Variants in PCDHGB3 observed in about 807,000 individuals in gnomAD.
PCDHGB3 encodes the protein protocadherin gamma-B3.
PCDHGB3 carries 40 observed loss-of-function variants against 59.2 expected under a neutral mutation model. That is an observed-to-expected ratio of 0.68 (90% CI 0.52 to 0.88). The LOEUF is 0.88. Among genes scored for constraint, PCDHGB3 ranks in the 40% least tolerant of loss-of-function variants. The pLI is 0.00. For missense variants in PCDHGB3, 1,309 were observed against 1,187.9 expected, an observed-to-expected ratio of 1.10 and a Z score of -1.50; for synonymous variants, 581 against 503.6, an observed-to-expected ratio of 1.15 and a Z score of -2.06.
intron 1 of PCDHGB3, chr5:141,468,401 C>G (rs943048252): frequency 6.7e-6 from 1 of 149,126 alleles, no homozygotes; most frequent in Non-Finnish European, 1.5e-5. Flanking sequence ...TTGGTGAGAA[C>G]TAATAATAAG....
intron 1 of PCDHGB3, among the ~76,000 whole-genome samples, chr5:141,452,267 G>C (rs995249228): frequency 1.3e-5 from 2 of 151,882 alleles, no homozygotes; most frequent in Non-Finnish European, 2.9e-5. Context: ...TCATTTTCTT[G>C]AACCCTTTCT....
intron 1 of PCDHGB3, chr5:141,422,699 C>T: frequency 6.2e-7 from 1 of 1,603,420 alleles, no homozygotes; most frequent in Middle Eastern, 1.7e-4. Flanking sequence ...GTCACTTACT[C>T]TCTGACGGAT....
chr5:141,416,817 C>T (rs1197915095), intron 1 of PCDHGB3: 1 of 151,958 alleles, frequency 6.6e-6, no homozygotes, highest in Non-Finnish European at 1.5e-5. Flanking sequence ...AAAAAGCATT[C>T]CGAAGTTTCT....
rs761627230 is a variant in PCDHGB3 at position 141,371,418 on chromosome 5, G to C, written c.1024G>C (p.Asp342His). Reference protein sequence around the residue: ...KVQIDISDENDNAPEITLASE... With the variant: ...KVQIDISDENHNAPEITLASE... ...ACAGATAGATATTTCAGATGAAAAT[G>C]ACAATGCCCCGGAGATAACCCTGGC... Residue 342 changes from aspartate to histidine, a missense_variant, in exon 1 of 4, where the codon GAC (aspartate) becomes CAC (histidine). Coordinates refer to ENST00000576222, the MANE Select transcript of PCDHGB3 (RefSeq NM_018924.5). The C allele has an allele frequency of 5.6e-6, 9 of 1,614,006 alleles. No individual in the cohort carries two copies. Among genetic ancestry groups the C allele is most frequent in the Middle Eastern group, 1.6e-4 (1 of 6,062 alleles).
rs776293224 is a variant in PCDHGB3, at chr5:141,477,889, A to G, written c.2416-16918A>G. Reference sequence around the variant, plus strand: ...GTACCTCAGCTGGCCACCTAGTGTCACGGGTGGTAGGCTGGGACGCGGATG... The same window carrying G: ...GTACCTCAGCTGGCCACCTAGTGTCGCGGGTGGTAGGCTGGGACGCGGATG... On this transcript the variant is annotated intron_variant, in intron 1 of 3. Coordinates refer to ENST00000576222, the MANE Select transcript of PCDHGB3 (RefSeq NM_018924.5). This position sits in a 1 kb window ranked among gnomAD's most constrained non-coding sequence, Gnocchi z 4.9. The G allele has an allele frequency of 1.8e-5, 29 of 1,614,034 alleles. No individual in the cohort carries two copies. Among genetic ancestry groups the G allele is most frequent in the Non-Finnish European group, 2.5e-5 (29 of 1,180,026 alleles).
chr5:141,370,836 A>G lies in PCDHGB3; in HGVS notation c.442A>G (p.Thr148Ala). The G allele has an allele frequency of 6.2e-7, 1 of 1,614,018 alleles. No individual in the cohort carries two copies. Among genetic ancestry groups the G allele is most frequent in the Non-Finnish European group, 8.5e-7 (1 of 1,179,860 alleles). Residue 148 changes from threonine to alanine, a missense_variant, in exon 1 of 4, where the codon ACT becomes GCT. Physicochemically the swap from Thr to Ala is moderately conservative, Grantham distance 58. Transcript: ENST00000576222. ...GCTGGAAATCAGCGAACTGGCTCTC[A>G]CTGGAGCCACATTTGCCCTGGAATC... ...TELEISELAL[T>A]GATFALESAQ... is the part of the protein sequence containing the mutation.
In PCDHGB3 at chr5:141,431,118, A is replaced by T. The variant is rs2097344347; in HGVS notation, c.2415+58309A>T. On this transcript the variant is annotated intron_variant, in intron 1 of 3. Coordinates refer to ENST00000576222, the MANE Select transcript of PCDHGB3 (RefSeq NM_018924.5). This position sits in a 1 kb window ranked among gnomAD's most constrained non-coding sequence, Gnocchi z 4.8. ...GATAAAGTGAAAATATATGGAGTAG[A>T]AGTAGAAGTAAGGGACATTAACGAC... is the stretch of plus-strand genomic sequence containing the variant. The T allele has an allele frequency of 6.2e-7, 1 of 1,614,182 alleles. No homozygotes were observed. Among genetic ancestry groups the T allele is most frequent in the African/African-American group, 1.3e-5 (1 of 75,070 alleles).
chr5:141,470,538 A>G (rs2099232733), intron 1 of PCDHGB3, among the ~76,000 whole-genome samples: 1 of 152,140 alleles, frequency 6.6e-6, no homozygotes, highest in African/African-American at 2.4e-5. Context: ...GTATCAGGTA[A>G]TATTTATTGA....
intron 1 of PCDHGB3, chr5:141,374,479 A>T (rs756371683): frequency 1.2e-6 from 2 of 1,611,840 alleles, no homozygotes; most frequent in Non-Finnish European, 1.7e-6. Flanking sequence ...ATACACCCCG[A>T]TTCTTAAAGG....
In PCDHGB3 at chr5:141,398,847, G is replaced by A. The variant is rs773663002; in HGVS notation, c.2415+26038G>A. On this transcript the variant is annotated intron_variant, in intron 1 of 3. Coordinates refer to ENST00000576222, the MANE Select transcript of PCDHGB3 (RefSeq NM_018924.5). Reference sequence around the variant, plus strand: ...TAACCGACGCCAATGATAATCCCCCGGTATTCAACCGAGACGTGTACAGAG... The same window carrying A: ...TAACCGACGCCAATGATAATCCCCCAGTATTCAACCGAGACGTGTACAGAG... The A allele has an allele frequency of 2.5e-6, 4 of 1,613,758 alleles. No homozygotes were observed. In the African/African-American group the frequency reaches 5.3e-5, roughly 22 times the overall value.
intron 1 of PCDHGB3, chr5:141,399,670 G>A (rs2093861747): frequency 6.2e-7 from 1 of 1,613,610 alleles, no homozygotes; most frequent in Non-Finnish European, 8.5e-7. Flanking sequence ...CGCGCAGCGC[G>A]CCTTTGACTA....
Position 141,476,543 on chromosome 5 carries a change from G to A in PCDHGB3, c.2416-18264G>A, listed in dbSNP as rs1419273574. 1 of 1,614,220 alleles carries A rather than the reference G, an allele frequency of 6.2e-7. No individual in the cohort carries two copies. Among genetic ancestry groups the A allele is most frequent in the South Asian group, 1.1e-5 (1 of 91,084 alleles). On this transcript the variant is annotated intron_variant, in intron 1 of 3. Transcript: ENST00000576222. The surrounding 1 kb of genome is among the most constrained non-coding windows in gnomAD (Gnocchi z 7.6). ...TTTCCCTACCCAGGAAATGAAATTG[G>A]AGATTAGCGAGGCCGTGGCTCCGGG...
At chr5:141,498,338 G>A (rs2237079) in intron 2 of PCDHGB3, among the ~76,000 whole-genome samples, 68,665 of 151,630 alleles carry the variant, frequency 0.45, 15,766 homozygotes, top group Admixed American at 0.55. Flanking sequence ...CATTCCAAAT[G>A]GGAAAAGCCT....
rs1259831891 is a variant in PCDHGB3 at position 141,383,082 on chromosome 5, G to C, written c.2415+10273G>C. 36 of 1,613,934 alleles carry C rather than the reference G, an allele frequency of 2.2e-5. 1 individual carries two copies. The highest frequency in any genetic ancestry group is 3.1e-5 in the Non-Finnish European group (36 of 1,179,910). ...GGCTGGAGCCCCGGGAGCTGGCGGA[G>C]CGCGGAGTCCGCATCATCTCCAGAG... On this transcript the variant is annotated intron_variant, in intron 1 of 3. Transcript: ENST00000576222.
At position 141,485,144 on chromosome 5, in the gene PCDHGB3, G is replaced by A; in HGVS notation, c.2416-9663G>A. 6.4e-7 allele frequency: 1 copy of A among 1,564,192 alleles called. No homozygotes were observed. The highest frequency in any genetic ancestry group is 1.7e-5 in the Admixed American group (1 of 59,326). On this transcript the variant is annotated intron_variant, in intron 1 of 3. Transcript: ENST00000576222. This position sits in a 1 kb window ranked among gnomAD's most constrained non-coding sequence, Gnocchi z 5.7. ...CGGGTCGGCTTCATCCGCGTCTCAG[G>A]AGCAAGTAGAGAATTAGCGGGCGGC...
chr5:141,413,230 C>T (rs2095618383), intron 1 of PCDHGB3: 4 of 1,613,826 alleles, frequency 2.5e-6, no homozygotes, highest in Non-Finnish European at 3.4e-6. Flanking sequence ...CGGGCTGGTC[C>T]TGCTCTGCCT....
intron 1 of PCDHGB3, chr5:141,392,860 T>A (rs726684): frequency 2.5e-6 from 4 of 1,612,016 alleles, no homozygotes; most frequent in Admixed American, 3.4e-5. Flanking sequence ...CTGATCCTGC[T>A]GTGCGCGCTG....
intron 1 of PCDHGB3, chr5:141,428,048 G>A: frequency 6.2e-7 from 1 of 1,608,900 alleles, no homozygotes; most frequent in Admixed American, 1.7e-5. Context: ...TGGTGACCAA[G>A]GTGGTGGCGG....
In PCDHGB3 at chr5:141,372,388, C is replaced by T. The variant is rs745890626; in HGVS notation, c.1994C>T (p.Ala665Val). 6.2e-7 allele frequency: 1 copy of T among 1,614,056 alleles called. No homozygotes were observed. The highest frequency in any genetic ancestry group is 8.5e-7 in the Non-Finnish European group (1 of 1,179,904). Residue 665 changes from alanine (A) to valine (V), a missense_variant, in exon 1 of 4, where the codon GCA becomes GTA. Transcript: ENST00000576222. Reference protein sequence around the residue: ...SATVMLHLIFADSLQEIQPDL... With the variant: ...SATVMLHLIFVDSLQEIQPDL... ...ACCGTCATGCTGCACCTAATCTTCGCAGATAGCTTGCAAGAGATACAACCT... is the reference window on the plus strand; with the variant it reads ...ACCGTCATGCTGCACCTAATCTTCGTAGATAGCTTGCAAGAGATACAACCT...
Sources: allele counts gnomAD v4.1 joint callset (sites outside exome capture counted in the v4.1 genomes callset), GRCh38; gene constraint gnomAD v4.1.1; non-coding constraint Gnocchi (gnomAD v3.1); transcripts MANE v1.5; gene names NCBI Gene and HGNC (gene_info 2026-07-23, HGNC 2026-07-21).